Variants in SEZ6 observed in about 807,000 individuals in gnomAD.
SEZ6 encodes the protein seizure protein 6 homolog.
Under a neutral mutation model 101.0 loss-of-function variants are expected in SEZ6, and 53 were observed. The observed-to-expected ratio is 0.52, with a 90% CI of 0.42 to 0.66. The LOEUF is 0.66. Ranked by LOEUF, SEZ6 falls within the 30% of genes least tolerant of loss-of-function variation. SEZ6 has a pLI of 0.00. For synonymous variants in SEZ6, 488 were observed against 512.2 expected (o/e 0.95, Z 0.64); for missense variants, 1,102 against 1,289.4 (o/e 0.85, Z 2.23).
chr17:28,967,050 T>C (rs1282393766), intron 4 of SEZ6, among the ~76,000 whole-genome samples: 1 of 152,230 alleles, frequency 6.6e-6, no homozygotes, highest in East Asian at 1.9e-4. Flanking sequence ...CTAAATTCTC[T>C]GTGCCTCAGT....
intron 1 of SEZ6, among the ~76,000 whole-genome samples, chr17:29,000,431 G>A (rs1165939508): frequency 4.6e-5 from 7 of 152,202 alleles, no homozygotes; most frequent in Non-Finnish European, 7.3e-5. Context: ...CATGTGAAAC[G>A]CTTGACCAGT....
intron 3 of SEZ6, 71 bp from the exon 4 acceptor site, chr17:28,970,023 C>A: frequency 7.3e-7 from 1 of 1,372,280 alleles, no homozygotes; most frequent in Non-Finnish European, 9.7e-7. Context: ...CTGCCGCCCT[C>A]AGGATCCTGC....
intron 1 of SEZ6, among the ~76,000 whole-genome samples, chr17:28,988,515 A>G (rs1173779055): frequency 6.6e-6 from 1 of 152,176 alleles, no homozygotes; most frequent in Non-Finnish European, 1.5e-5. Context: ...CCAGGAGAAG[A>G]TGGGCAGCCA....
chr17:28,982,148 G>A (rs1234362810), intron 1 of SEZ6, 109 bp from the exon 2 acceptor site: 4 of 1,435,174 alleles, frequency 2.8e-6, no homozygotes, highest in Non-Finnish European at 2.7e-6. Context: ...CAGCCCTGAG[G>A]AGCGTGCTCA....
At chr17:28,996,387 G>C (rs2041541694) in intron 1 of SEZ6, among the ~76,000 whole-genome samples, 1 of 152,152 alleles carries the variant, frequency 6.6e-6, no homozygotes, top group South Asian at 2.1e-4. Context: ...CTGAGGGGAA[G>C]GGGCCCCGCC....
chr17:28,992,910 C>T (rs773463873), intron 1 of SEZ6, among the ~76,000 whole-genome samples: 2 of 152,160 alleles, frequency 1.3e-5, no homozygotes, highest in Non-Finnish European at 2.9e-5. Context: ...CACTCTACAC[C>T]GTCCCCTGCA....
chr17:28,959,631 C>G lies in SEZ6; in HGVS notation c.1771+67G>C. 1 of 1,534,706 alleles carries G rather than the reference C, an allele frequency of 6.5e-7. No homozygotes were observed. Among genetic ancestry groups the G allele is most frequent in the Non-Finnish European group, 8.8e-7 (1 of 1,141,938 alleles). On this transcript the variant is annotated intron_variant, in intron 8 of 16. Coordinates refer to ENST00000317338, the MANE Select transcript of SEZ6 (RefSeq NM_178860.5). This position sits in a 1 kb window ranked among gnomAD's most constrained non-coding sequence, Gnocchi z 4.4. ...CACAGGGCCCCTGTGGCCCCGGGCT[C>G]TGCTGCTATTCTCCTGGTATGACCC...
rs568524217 is a variant in SEZ6 at position 28,967,739 on chromosome 17, G to A, written c.1054+2018C>T. Among the ~76,000 whole-genome samples the A allele has an allele frequency of 2.6e-5, 4 of 152,266 alleles. No homozygotes were observed. The East Asian group carries it at 7.7e-4, about 29-fold the overall frequency. Reference sequence around the variant, plus strand: ...GGGAGGGCCCTCGTTTCACAGATGAGGAAACTGGGCTGGAATGGGGTGGAA... The same window carrying A: ...GGGAGGGCCCTCGTTTCACAGATGAAGAAACTGGGCTGGAATGGGGTGGAA... On this transcript the variant is annotated intron_variant, in intron 4 of 16. Transcript: ENST00000317338.
At position 28,981,851 on chromosome 17, in the gene SEZ6, C is replaced by G. The variant is rs1372093491; in HGVS notation, c.244G>C (p.Glu82Gln). 6.2e-7 allele frequency: 1 copy of G among 1,613,912 alleles called. No individual in the cohort carries two copies. The highest frequency in any genetic ancestry group is 8.5e-7 in the Non-Finnish European group (1 of 1,179,858). Residue 82 changes from glutamate (E) to glutamine (Q), a missense_variant, in exon 2 of 17, where the codon GAA (glutamate) becomes CAA (glutamine). Physicochemically the swap from Glu to Gln is conservative, Grantham distance 29 (BLOSUM62 2). Transcript: ENST00000317338. ...LLEEFLQEGL[E>Q]KGDEELRPAL... Reference sequence around the variant, plus strand: ...GGCCTCAGCTCCTCATCTCCCTTTTCCAGCCCCTCTTGTAGGAATTCCTCA... The same window carrying G: ...GGCCTCAGCTCCTCATCTCCCTTTTGCAGCCCCTCTTGTAGGAATTCCTCA...
chr17:28,956,936 G>C, intron 13 of SEZ6, 109 bp downstream of exon 13: 2 of 1,371,926 alleles, frequency 1.5e-6, no homozygotes, highest in South Asian at 2.8e-5. Flanking sequence ...GAGACCAAGG[G>C]TAACATGAAG....
At chr17:28,995,791 G>A (rs2041529198) in intron 1 of SEZ6, among the ~76,000 whole-genome samples, 1 of 152,140 alleles carries the variant, frequency 6.6e-6, no homozygotes, top group Non-Finnish European at 1.5e-5. Flanking sequence ...AGGCTCAAGG[G>A]TGTGGAAGGC....
intron 7 of SEZ6, chr17:28,960,191 A>G: frequency 1.8e-6 from 1 of 569,128 alleles, no homozygotes; most frequent in South Asian, 2.1e-5. Flanking sequence ...GCATGCATAA[A>G]TGGTTCTAGA....
chr17:28,999,538 C>T (rs544733790), intron 1 of SEZ6, among the ~76,000 whole-genome samples: 1 of 152,170 alleles, frequency 6.6e-6, no homozygotes, highest in Non-Finnish European at 1.5e-5. Context: ...GTTGGAGAAG[C>T]CGCAGGTTTG....
At chr17:28,970,036 G>A in intron 3 of SEZ6, 84 bp from the exon 4 acceptor site, 5 of 1,290,878 alleles carry the variant, frequency 3.9e-6, no homozygotes, top group Non-Finnish European at 5.2e-6. Context: ...GATCCTGCAG[G>A]CCCCGGGCAG....
In SEZ6 at chr17:28,960,913, G is replaced by T. The variant is rs1277609512; in HGVS notation, c.1301C>A (p.Pro434Gln). Residue 434 changes from proline to glutamine, a missense_variant, in exon 6 of 17, where the codon CCG becomes CAG. Around this residue, in one of 3 missense-constraint regions of SEZ6, gnomAD observed 556 missense variants for 735.1 expected, o/e 0.76. Transcript: ENST00000317338. ...TTGRIVSPGF[P>Q]GNYSNNLTCH... is the part of the protein sequence containing the mutation. ...GGTGAGGTTGTTGCTGTAGTTGCCC[G>T]GGAAGCCTGGAGAGACGATGCGGCC... 6.2e-7 allele frequency: 1 copy of T among 1,613,798 alleles called. No individual in the cohort carries two copies. Among genetic ancestry groups the T allele is most frequent in the African/African-American group, 1.3e-5 (1 of 74,902 alleles).
chr17:28,995,885 G>A (rs2041530313), intron 1 of SEZ6, among the ~76,000 whole-genome samples: 1 of 152,118 alleles, frequency 6.6e-6, no homozygotes, highest in Non-Finnish European at 1.5e-5. Context: ...GGACAGTACT[G>A]GAGGTCCCTG....
chr17:28,960,647 G>C lies in SEZ6; in HGVS notation c.1434C>G (p.Asn478Lys). The part of the protein sequence containing the change: ...DDRLIIRNGD[N>K]VEAPPVYDSY... ...AATCATACACTGGTGGGGCCTCCAC[G>C]TTGTCCCCATTGCGAATGATGAGCC... The change falls in exon 7 of 17, where the codon AAC becomes AAG. Residue 478 changes from asparagine to lysine, a missense_variant. Asn to Lys is a moderately conservative substitution (Grantham distance 94). Coordinates refer to ENST00000317338, the MANE Select transcript of SEZ6 (RefSeq NM_178860.5). 4 of 1,602,138 alleles carry C rather than the reference G, an allele frequency of 2.5e-6. No homozygotes were observed. Among genetic ancestry groups the C allele is most frequent in the Non-Finnish European group, 3.4e-6 (4 of 1,174,496 alleles).
chr17:28,963,326 T>C (rs74532031), intron 5 of SEZ6, among the ~76,000 whole-genome samples: 2,407 of 152,190 alleles, frequency 0.016, 56 homozygotes, highest in African/African-American at 0.054. Context: ...CAAATCACAA[T>C]CTAAGTTCAA....
chr17:28,969,539 T>C (rs9897488), intron 4 of SEZ6, among the ~76,000 whole-genome samples: 2,277 of 152,234 alleles, frequency 0.015, 46 homozygotes, highest in African/African-American at 0.049. Flanking sequence ...CAAGACCAGC[T>C]CTCTGCAGGG....
Sources: gnomAD v4.1 joint callset for allele counts (sites outside exome capture counted in the v4.1 genomes callset) on GRCh38, gnomAD v4.1.1 for gene constraint, gnomAD v4.1.1 regional missense constraint, Gnocchi (gnomAD v3.1) non-coding constraint, MANE v1.5 for transcripts, NCBI Gene and HGNC (gene_info 2026-07-23, HGNC 2026-07-21) for gene names.